Variants in NUCKS1 observed in about 807,000 individuals in gnomAD.
The protein encoded by NUCKS1 is nuclear casein kinase and cyclin dependent kinase substrate 1.
In NUCKS1, 2 loss-of-function variants were observed where a neutral mutation model predicts 33.0. The ratio of observed to expected loss-of-function variants is 0.06; its 90% CI spans 0.02 to 0.19. The LOEUF (loss-of-function observed/expected upper bound fraction) is 0.19, where lower values mean the gene tolerates loss of function less well. NUCKS1 is among the 10% of genes least tolerant of loss of function. The pLI, the probability that NUCKS1 is intolerant of heterozygous loss-of-function variation, is 1.00. For missense variants in NUCKS1, 201 were observed against 293.6 expected, an observed-to-expected ratio of 0.68 and a Z score of 2.31; for synonymous variants, 106 against 102.8, an observed-to-expected ratio of 1.03 and a Z score of -0.19.
At chr1:205,746,447 TCTCTCTCA>T (rs1402078165) in intron 1 of NUCKS1, among the ~76,000 whole-genome samples, 85 of 88,736 alleles carry the variant, frequency 9.6e-4, no homozygotes, top group African/African-American at 3.2e-3. Flanking sequence ...TCTCTCTCTC[TCTCTCTCA>T]CACACACACA....
intron 1 of NUCKS1, among the ~76,000 whole-genome samples, chr1:205,738,397 C>T (rs559881802): frequency 6.6e-6 from 1 of 152,038 alleles, no homozygotes; most frequent in African/African-American, 2.4e-5. Context: ...CTGTAGCCTC[C>T]AGAGTACCCA....
At position 205,716,248 on chromosome 1, in the gene NUCKS1, C is replaced by G. The variant is rs116707653; in HGVS notation, c.*2032G>C. On this transcript the variant is annotated 3_prime_UTR_variant, in exon 7 of 7. Coordinates refer to ENST00000367142, the MANE Select transcript of NUCKS1 (RefSeq NM_022731.5). Reference sequence around the variant, plus strand: ...CTGAAGTTTTAAAAGAGCCCTCCCCCCAAATCTTCACGAAACATAACCTAA... The same window carrying G: ...CTGAAGTTTTAAAAGAGCCCTCCCCGCAAATCTTCACGAAACATAACCTAA... 18 of 152,186 alleles carry G rather than the reference C, an allele frequency of 1.2e-4. No homozygotes were observed. In the East Asian group the frequency reaches 2.9e-3, roughly 24 times the overall value. 9.4% of individuals were successfully genotyped at this position (152,186 alleles called of 1,614,324 possible). A position where few individuals can be genotyped will look rare whatever the true frequency, so the allele number is the denominator to read the frequency against.
chr1:205,721,625 T>C (rs1401832841), intron 4 of NUCKS1, among the ~76,000 whole-genome samples: 1 of 152,134 alleles, frequency 6.6e-6, no homozygotes, highest in Admixed American at 6.5e-5. Flanking sequence ...CTGTTACCCT[T>C]TACAATGAAT....
intron 3 of NUCKS1, among the ~76,000 whole-genome samples, chr1:205,724,537 T>C (rs1430217772): frequency 6.6e-6 from 1 of 151,910 alleles, no homozygotes; most frequent in East Asian, 1.9e-4. Context: ...CTACTAAAAA[T>C]ACAAATATTA....
chr1:205,727,629 A>G (rs1653812010), intron 3 of NUCKS1, 71 bp downstream of exon 3: 2 of 994,026 alleles, frequency 2.0e-6, no homozygotes, highest in Non-Finnish European at 3.2e-6. Context: ...CCAACAATTT[A>G]GAGATCAGAG....
At position 205,715,851 on chromosome 1, in the gene NUCKS1, G is replaced by A. The variant is rs1036445326; in HGVS notation, c.*2429C>T. 23 of 152,168 alleles carry A rather than the reference G, an allele frequency of 1.5e-4. No homozygotes were observed. The highest frequency in any genetic ancestry group is 4.3e-4 in the African/African-American group (18 of 41,436). The allele number at this position is 152,168 out of a possible 1,614,324, so 9.4% of individuals were successfully genotyped here. On this transcript the variant is annotated 3_prime_UTR_variant, in exon 7 of 7. Transcript: ENST00000367142. Reference sequence around the variant, plus strand: ...AGTATCGGCTTACAGCTTGTAATGCGTCCTGACATCACTATCAAGCCTGAC... The same window carrying A: ...AGTATCGGCTTACAGCTTGTAATGCATCCTGACATCACTATCAAGCCTGAC...
intron 5 of NUCKS1, among the ~76,000 whole-genome samples, chr1:205,720,132 A>G (rs1299690397): frequency 1.3e-5 from 2 of 152,188 alleles, no homozygotes; most frequent in African/African-American, 4.8e-5. Flanking sequence ...TGAAACACCT[A>G]AATTTTATTA....
chr1:205,734,383 A>G (rs1406698323), intron 1 of NUCKS1, among the ~76,000 whole-genome samples: 2 of 152,212 alleles, frequency 1.3e-5, no homozygotes, highest in Non-Finnish European at 2.9e-5. Flanking sequence ...CAATGATCTG[A>G]AAACAGCCAG....
rs1417538246 is a variant in NUCKS1, at chr1:205,717,748, T to C, written c.*532A>G. The C allele has an allele frequency of 1.0e-6, 1 of 985,042 alleles. No homozygotes were observed. Among genetic ancestry groups the C allele is most frequent in the Non-Finnish European group, 1.2e-6 (1 of 829,696 alleles). The allele number at this position is 985,042 out of a possible 1,614,324, so 61.0% of individuals were successfully genotyped here. On this transcript the variant is annotated 3_prime_UTR_variant, in exon 7 of 7. Coordinates refer to ENST00000367142, the MANE Select transcript of NUCKS1 (RefSeq NM_022731.5). ...AGTCATGATTTTTTTTAGACATTGATACTTGTGTCTATAGACAAATAAACT... is the reference window on the plus strand; with the variant it reads ...AGTCATGATTTTTTTTAGACATTGACACTTGTGTCTATAGACAAATAAACT...
intron 1 of NUCKS1, among the ~76,000 whole-genome samples, chr1:205,738,111 TACCTCCC>T (rs1654072873): frequency 6.6e-6 from 1 of 152,092 alleles, no homozygotes; most frequent in Non-Finnish European, 1.5e-5. Flanking sequence ...CTGCAACCTC[TACCTCCC>T]GGGTTCAAGC....
In NUCKS1 at chr1:205,749,943, G is replaced by C. The variant is rs541193208; in HGVS notation, c.17+14C>G. On this transcript the variant is annotated intron_variant, in intron 1 of 6. Transcript: ENST00000367142. ...CCCCTCCAACCCGCTCCAGGCCTCA[G>C]ACTCCGCACTGACCTGACAGGCCGC... is the stretch of plus-strand genomic sequence containing the variant. 2 of 1,606,862 alleles carry C rather than the reference G, an allele frequency of 1.2e-6. No homozygotes were observed. Among genetic ancestry groups the C allele is most frequent in the Non-Finnish European group, 1.7e-6 (2 of 1,176,834 alleles).
At chr1:205,738,290 C>T (rs1465472445) in intron 1 of NUCKS1, among the ~76,000 whole-genome samples, 2 of 151,836 alleles carry the variant, frequency 1.3e-5, no homozygotes, top group Admixed American at 6.6e-5. Context: ...GGCCTCCCAA[C>T]GTGCTAGGAT....
At chr1:205,730,548 G>A (rs11808642) in intron 1 of NUCKS1, among the ~76,000 whole-genome samples, 2,591 of 151,336 alleles carry the variant, frequency 0.017, 57 homozygotes, top group African/African-American at 0.045. Context: ...GAGTGCAATG[G>A]CGAGATCTTG....
chr1:205,723,958 A>C lies in NUCKS1; in HGVS notation c.197T>G (p.Val66Gly). The change falls in exon 4 of 7, where the codon GTG becomes GGG. Residue 66 changes from valine to glycine, a missense_variant. Transcript: ENST00000367142. ...GTGAGAATCATCCTTCTTGGTCTTC[A>C]CATCTTTGTCTTCTGAGTCCTCACT... ...EDSEDSEDKD[V>G]KTKKDDSHSA... The C allele has an allele frequency of 6.2e-7, 1 of 1,612,538 alleles. No homozygotes were observed. Among genetic ancestry groups the C allele is most frequent in the Non-Finnish European group, 8.5e-7 (1 of 1,178,784 alleles).
Position 205,717,195 on chromosome 1 carries a change from G to C in NUCKS1, c.*1085C>G. The C allele has an allele frequency of 4.5e-6, 2 of 441,624 alleles. No individual in the cohort carries two copies. The highest frequency in any genetic ancestry group is 6.0e-6 in the Non-Finnish European group (2 of 332,024). The allele number at this position is 441,624 out of a possible 1,614,324, so 27.4% of individuals were successfully genotyped here. A position where few individuals can be genotyped will look rare whatever the true frequency, so the allele number is the denominator to read the frequency against. On this transcript the variant is annotated 3_prime_UTR_variant, in exon 7 of 7. Transcript: ENST00000367142. ...GAAAATGTTCTATCCCCAAATAAAA[G>C]CAGAGCATGGTTAATGGGACCTGAA...
In NUCKS1 at chr1:205,730,099, G is replaced by C. The variant is rs541146385; in HGVS notation, c.18-478C>G. On this transcript the variant is annotated intron_variant, in intron 1 of 6. Transcript: ENST00000367142. ...GACAGGGTGTCACTCTGTCGCCTAG[G>C]CTGGAGAGCAGTGACACAATCATGG... is the stretch of plus-strand genomic sequence containing the variant. Among the ~76,000 whole-genome samples the C allele has an allele frequency of 6.6e-5, 10 of 152,220 alleles. No homozygotes were observed. The South Asian group carries it at 2.1e-3, about 32-fold the overall frequency.
chr1:205,740,107 A>G (rs949446217), intron 1 of NUCKS1, among the ~76,000 whole-genome samples: 3 of 143,156 alleles, frequency 2.1e-5, no homozygotes, highest in Admixed American at 7.4e-5. Context: ...GGTTCCAGCG[A>G]TTCTCCTGCC....
intron 4 of NUCKS1, among the ~76,000 whole-genome samples, chr1:205,721,744 C>T (rs1040318540): frequency 1.3e-5 from 2 of 150,856 alleles, no homozygotes; most frequent in African/African-American, 2.4e-5. Flanking sequence ...AGCGCAATCT[C>T]GCCTCACTGC....
rs578176452 is a variant in NUCKS1, at chr1:205,749,334, G to A, written c.17+623C>T. Among the ~76,000 whole-genome samples, 15 of 151,762 alleles carry A rather than the reference G, an allele frequency of 9.9e-5. No individual in the cohort carries two copies. The South Asian group carries it at 2.9e-3, about 29-fold the overall frequency. On this transcript the variant is annotated intron_variant, in intron 1 of 6. Transcript: ENST00000367142. ...AGTCCCGAACTCTCACTTTTGCCCG[G>A]GGGGAAAAAAACGGGTCCCGCCCAC...
Sources: gnomAD v4.1 joint callset for allele counts (sites outside exome capture counted in the v4.1 genomes callset) on GRCh38, gnomAD v4.1.1 for gene constraint, MANE v1.5 for transcripts, NCBI Gene and HGNC (gene_info 2026-07-23, HGNC 2026-07-21) for gene names.